WHRN: variants seen among roughly 807,000 people sequenced by gnomAD.
The protein encoded by WHRN is whirlin.
A neutral mutation model predicts 68.3 loss-of-function variants in WHRN; 41 were observed. That is an observed-to-expected ratio of 0.60 (90% CI 0.47 to 0.78). WHRN has a LOEUF of 0.78. Ranked by LOEUF, WHRN falls within the 30% of genes least tolerant of loss-of-function variation. WHRN has a pLI of 0.00. For missense variants in WHRN, 1,243 were observed against 1,244.7 expected (o/e 1.00, Z 0.02); for synonymous variants, 560 against 561.3 (o/e 1.00, Z 0.03).
chr9:114,426,185 G>T (rs1836836357), intron 4 of WHRN, 26 bp downstream of exon 4: 2 of 1,611,700 alleles, frequency 1.2e-6, no homozygotes. Context: ...GGGGTCTGGA[G>T]ATTGGAGCGA....
At chr9:114,471,903 T>C (rs1490940129) in intron 2 of WHRN, among the ~76,000 whole-genome samples, 2 of 152,304 alleles carry the variant, frequency 1.3e-5, no homozygotes, top group African/African-American at 4.8e-5. Flanking sequence ...TGAGAGGCTG[T>C]GATGGCAGGT....
intron 3 of WHRN, among the ~76,000 whole-genome samples, chr9:114,451,074 C>A (rs1003988879): frequency 6.6e-6 from 1 of 152,154 alleles, no homozygotes; most frequent in African/African-American, 2.4e-5. Context: ...TGTGTACAGG[C>A]GCACTAATGA....
intron 7 of WHRN, among the ~76,000 whole-genome samples, chr9:114,411,882 A>C (rs1835464140): frequency 1.3e-5 from 2 of 152,190 alleles, no homozygotes; most frequent in South Asian, 4.1e-4. Flanking sequence ...ACACTGTCCC[A>C]ACCCCAGAAA....
At chr9:114,471,898 G>A (rs909673261) in intron 2 of WHRN, among the ~76,000 whole-genome samples, 1 of 152,206 alleles carries the variant, frequency 6.6e-6, no homozygotes, top group Non-Finnish European at 1.5e-5. Flanking sequence ...GGTTGTGAGA[G>A]GCTGTGATGG....
rs1554719390 is a variant in WHRN at position 114,425,630 on chromosome 9, C to CAG, written c.1166+579_1166+580dup. The stretch of plus-strand genomic sequence containing the variant: ...ACACACACACACACACACACACACA[C>CAG]AGAGAGACACAGACAGACAGACAGA... On this transcript the variant is annotated intron_variant, in intron 4 of 11. Coordinates refer to ENST00000362057, the MANE Select transcript of WHRN (RefSeq NM_015404.4). 2.4e-3 allele frequency: 554 copies of CAG among 232,584 alleles called. 6 individuals are homozygous for CAG. The highest frequency in any genetic ancestry group is 4.9e-3 in the Admixed American group (94 of 19,082). 14.4% of individuals were successfully genotyped at this position (232,584 alleles called of 1,614,324 possible). A position where few individuals can be genotyped will look rare whatever the true frequency, so the allele number is the denominator to read the frequency against.
At chr9:114,411,004 T>TA (rs1414901758) in intron 7 of WHRN, among the ~76,000 whole-genome samples, 1 of 152,206 alleles carries the variant, frequency 6.6e-6, no homozygotes, top group Non-Finnish European at 1.5e-5. Context: ...TTAACAGCAA[T>TA]ACCTGCCTTA....
intron 2 of WHRN, among the ~76,000 whole-genome samples, chr9:114,470,272 C>T (rs568287195): frequency 2.0e-5 from 3 of 152,190 alleles, no homozygotes; most frequent in Non-Finnish European, 4.4e-5. Flanking sequence ...AAGGCTGGGG[C>T]GGGGTGGGGA....
Position 114,403,377 on chromosome 9 carries a change from A to T in WHRN, c.2419-38T>A, listed in dbSNP as rs1489017081. 4 of 1,613,212 alleles carry T rather than the reference A, an allele frequency of 2.5e-6. No individual in the cohort carries two copies. The South Asian group carries it at 4.4e-5, about 18-fold the overall frequency. ...GGAAGGACACCACTGAGGCCTTCGC[A>T]GTTGGCAGGCCTGGCCAGGGGGCTG... On this transcript the variant is annotated intron_variant, in intron 10 of 11. Transcript: ENST00000362057.
intron 7 of WHRN, 49 bp downstream of exon 7, chr9:114,423,264 CT>C (rs779835779): frequency 6.3e-7 from 1 of 1,596,608 alleles, no homozygotes; most frequent in Non-Finnish European, 8.6e-7. Context: ...AAGCCAGCAT[CT>C]TAACTCTGCC....
chr9:114,435,193 CAG>C (rs1283125536), intron 3 of WHRN, among the ~76,000 whole-genome samples: 2 of 152,198 alleles, frequency 1.3e-5, no homozygotes, highest in Admixed American at 6.5e-5. Flanking sequence ...AGACTACAGA[CAG>C]AGAGTTCAAA....
intron 7 of WHRN, among the ~76,000 whole-genome samples, chr9:114,421,379 C>T (rs1302249975): frequency 6.6e-6 from 1 of 152,170 alleles, no homozygotes; most frequent in African/African-American, 2.4e-5. Context: ...AGATAGTCAC[C>T]TGACTCCTGG....
In WHRN at chr9:114,424,492, TC is replaced by T; in HGVS notation, c.1257del (p.Asn420ThrfsTer15). 1 of 1,613,968 alleles carries T rather than the reference TC, an allele frequency of 6.2e-7. No individual in the cohort carries two copies. The highest frequency in any genetic ancestry group is 1.3e-5 in the African/African-American group (1 of 75,044). Reference sequence around the variant, plus strand: ...TCCTCCAGCAGCACTCGTGTCTGGTTCCCCAGGCTGCTCAGGGTCACCTGGG... The same window carrying T: ...TCCTCCAGCAGCACTCGTGTCTGGTTCCCAGGCTGCTCAGGGTCACCTGGG... ...AGSQVTLSSL[G>X]NQTRVLLEEQ... On this transcript the variant is annotated frameshift_variant, in exon 6 of 12. Transcript: ENST00000362057. LOFTEE classifies it high-confidence loss of function.
At chr9:114,454,683 C>CT (rs1174207192) in intron 3 of WHRN, among the ~76,000 whole-genome samples, 16 of 126,272 alleles carry the variant, frequency 1.3e-4, no homozygotes, top group Admixed American at 8.8e-4. Flanking sequence ...TCCCAGGAAG[C>CT]TATATTTTTT....
intron 6 of WHRN, 55 bp from the exon 7 acceptor site, chr9:114,423,578 C>T: frequency 6.6e-7 from 1 of 1,524,926 alleles, no homozygotes; most frequent in South Asian, 1.2e-5. Context: ...GAAGGTGGAA[C>T]AGGGGCCCTG....
chr9:114,484,629 C>T (rs1842343243), intron 1 of WHRN, among the ~76,000 whole-genome samples: 1 of 152,190 alleles, frequency 6.6e-6, no homozygotes, highest in Non-Finnish European at 1.5e-5. Context: ...ACTGGTGAAA[C>T]TTGACCCTGG....
rs750894411 is a variant in WHRN, at chr9:114,504,206, A to C, written c.596T>G (p.Val199Gly). The C allele has an allele frequency of 1.9e-6, 3 of 1,614,106 alleles. No individual in the cohort carries two copies. The highest frequency in any genetic ancestry group is 3.3e-5 in the Admixed American group (2 of 60,014). Residue 199 changes from valine (V) to glycine (G), a missense_variant, in exon 1 of 12, where the codon GTG (valine) becomes GGG (glycine). Coordinates refer to ENST00000362057, the MANE Select transcript of WHRN (RefSeq NM_015404.4). ...TACCTTGACGGCCTCCGCGTGGGTC[A>C]CCCGGGCCAGGGATTTGTCGTTGAC... ...LRVNDKSLAR[V>G]THAEAVKALK...
chr9:114,496,385 G>C (rs766263133), intron 1 of WHRN, among the ~76,000 whole-genome samples: 23 of 152,190 alleles, frequency 1.5e-4, no homozygotes, highest in Admixed American at 6.5e-5. Flanking sequence ...AAGCCAGATA[G>C]GAGCAATTAC....
Position 114,402,176 on chromosome 9 carries a change from G to T in WHRN, c.*578C>A. 1 of 168,330 alleles carries T rather than the reference G, an allele frequency of 5.9e-6. No homozygotes were observed. Among genetic ancestry groups the T allele is most frequent in the African/African-American group, 2.4e-5 (1 of 41,922 alleles). The allele number at this position is 168,330 out of a possible 1,614,324, so 10.4% of individuals were successfully genotyped here. A position where few individuals can be genotyped will look rare whatever the true frequency, so the allele number is the denominator to read the frequency against. On this transcript the variant is annotated 3_prime_UTR_variant, in exon 12 of 12. Coordinates refer to ENST00000362057, the MANE Select transcript of WHRN (RefSeq NM_015404.4). ...GGTCACCTGCAAGGCCTCTGGGATA[G>T]GCTGGGGGTGCAGAGGGAAGCTGGG...
Position 114,466,497 on chromosome 9 carries a change from C to T in WHRN, c.838-105G>A, listed in dbSNP as rs1270506252. 1.4e-5 allele frequency: 22 copies of T among 1,541,558 alleles called. 1 individual carries two copies. Among genetic ancestry groups the T allele is most frequent in the South Asian group, 3.4e-5 (3 of 89,452 alleles). ...CGTACTTTGAAGAGCGCATCTTATC[C>T]GACTGGCAAGGAGGCCCAGGCCAAG... is the stretch of plus-strand genomic sequence containing the variant. On this transcript the variant is annotated intron_variant, in intron 2 of 11. Coordinates refer to ENST00000362057, the MANE Select transcript of WHRN (RefSeq NM_015404.4).
Sources: gnomAD v4.1 joint callset for allele counts (sites outside exome capture counted in the v4.1 genomes callset) on GRCh38, gnomAD v4.1.1 for gene constraint, MANE v1.5 for transcripts, NCBI Gene and HGNC (gene_info 2026-07-23, HGNC 2026-07-21) for gene names.